Variants in PRP4K observed in about 807,000 individuals in gnomAD.
The protein encoded by PRP4K is pre-mRNA processing factor kinase PRP4K.
At chr6:4,048,377 T>C in the PRP4K span, among the ~76,000 whole-genome samples, 16 of 52,456 alleles carry the variant, frequency 3.1e-4, no homozygotes, top group Admixed American at 2.6e-3. Flanking sequence ...AGACTCCGTC[T>C]CAAAAAAAAA....
chr6:4,051,311 T>TTTTG, the PRP4K span, among the ~76,000 whole-genome samples: 85 of 151,938 alleles, frequency 5.6e-4, no homozygotes, highest in Admixed American at 3.3e-3. Flanking sequence ...TTTTGTTTGT[T>TTTTG]TTTGTTTGTT....
the PRP4K span, chr6:4,043,783 AAAGT>A: frequency 6.3e-7 from 1 of 1,597,674 alleles, no homozygotes; most frequent in Non-Finnish European, 8.6e-7. Context: ...CAATTTTATG[AAAGT>A]ATTATCTTCT....
chr6:4,049,987 G>A, the PRP4K span: 6 of 1,219,956 alleles, frequency 4.9e-6, no homozygotes, highest in South Asian at 1.8e-5. Context: ...TGTAAAACAA[G>A]TATTGCAATT....
the PRP4K span, among the ~76,000 whole-genome samples, chr6:4,053,899 GT>G: frequency 5.0e-5 from 5 of 100,620 alleles, no homozygotes; most frequent in African/African-American, 1.8e-4. Flanking sequence ...TTTTTCTTTT[GT>G]TTTTTTTGTT....
At chr6:4,061,441 G>A in the PRP4K span, 1 of 152,480 alleles carries the variant, frequency 6.6e-6, no homozygotes. Flanking sequence ...GTTAAATATA[G>A]TTCCTAGTGA....
At chr6:4,054,350 G>A in the PRP4K span, among the ~76,000 whole-genome samples, 1 of 151,814 alleles carries the variant, frequency 6.6e-6, no homozygotes, top group East Asian at 1.9e-4. Flanking sequence ...AACCACATTA[G>A]TAATGAGGTG....
chr6:4,046,030 TTCAG>T, the PRP4K span, among the ~76,000 whole-genome samples: 2 of 152,236 alleles, frequency 1.3e-5, no homozygotes, highest in Non-Finnish European at 2.9e-5. Flanking sequence ...CCATAGTTTA[TTCAG>T]TCAGACTTTG....
At chr6:4,041,088 TCA>T in the PRP4K span, among the ~76,000 whole-genome samples, 3 of 152,240 alleles carry the variant, frequency 2.0e-5, no homozygotes, top group Non-Finnish European at 4.4e-5. Context: ...GTAGGTTGTA[TCA>T]CAGAGTTAGT....
At chr6:4,044,682 T>C in the PRP4K span, among the ~76,000 whole-genome samples, 1 of 152,156 alleles carries the variant, frequency 6.6e-6, no homozygotes, top group South Asian at 2.1e-4. Context: ...CCCTTTAGTA[T>C]TCAATATAGC....
the PRP4K span, among the ~76,000 whole-genome samples, chr6:4,031,046 G>A: frequency 6.6e-6 from 1 of 152,192 alleles, no homozygotes; most frequent in Non-Finnish European, 1.5e-5. Flanking sequence ...CTCAAAACAA[G>A]TGACCTGCTG....
At chr6:4,060,808 T>C in the PRP4K span, 1 of 621,224 alleles carries the variant, frequency 1.6e-6, no homozygotes, top group Non-Finnish European at 2.8e-6. The surrounding 1 kb of genome is among the most constrained non-coding windows in gnomAD (Gnocchi z 4.7). Context: ...TTACGTGAAA[T>C]TTCACTGTAG....
At chr6:4,021,326 G>T in the PRP4K span, 1 of 1,494,660 alleles carries the variant, frequency 6.7e-7, no homozygotes, top group Non-Finnish European at 9.1e-7. Flanking sequence ...CTACACGGTC[G>T]GCACATGCGC....
At chr6:4,060,635 A>G in the PRP4K span, 4 of 1,602,560 alleles carry the variant, frequency 2.5e-6, no homozygotes, top group Non-Finnish European at 3.4e-6. This position sits in a 1 kb window ranked among gnomAD's most constrained non-coding sequence, Gnocchi z 4.7. Context: ...AAGAAACTCC[A>G]AGGGTTTGAG....
the PRP4K span, chr6:4,056,749 A>C: frequency 6.7e-7 from 1 of 1,487,976 alleles, no homozygotes; most frequent in Admixed American, 1.8e-5. Flanking sequence ...GCCTTGGTTG[A>C]GGCTGATTAG....
the PRP4K span, among the ~76,000 whole-genome samples, chr6:4,034,938 T>C: frequency 6.6e-6 from 1 of 151,646 alleles, no homozygotes; most frequent in South Asian, 2.1e-4. Flanking sequence ...GTCTTGAACT[T>C]CTGACCTCGT....
chr6:4,026,144 G>A, the PRP4K span, among the ~76,000 whole-genome samples: 382 of 152,138 alleles, frequency 2.5e-3, 9 homozygotes, highest in East Asian at 0.044. Context: ...TGGGATTACA[G>A]GCATGTGCCA....
chr6:4,047,333 A>C, the PRP4K span: 1 of 1,102,698 alleles, frequency 9.1e-7, no homozygotes, highest in Non-Finnish European at 1.3e-6. Context: ...AGAAGAATAA[A>C]GCAAATGTAA....
At chr6:4,059,697 G>A in the PRP4K span, among the ~76,000 whole-genome samples, 1 of 151,968 alleles carries the variant, frequency 6.6e-6, no homozygotes, top group African/African-American at 2.4e-5. Flanking sequence ...CCAGGGTGAA[G>A]TGCAATGGCA....
chr6:4,064,370 CTGTATTTTATCATT>C, the PRP4K span: 1 of 152,254 alleles, frequency 6.6e-6, no homozygotes, highest in Non-Finnish European at 1.5e-5. Flanking sequence ...TATGCTTTAC[CTGTATTTTATCATT>C]TGTAAGCAGA....
Sources: gnomAD v4.1 joint callset for allele counts (sites outside exome capture counted in the v4.1 genomes callset) on GRCh38, gnomAD v4.1.1 for gene constraint, Gnocchi (gnomAD v3.1) non-coding constraint, MANE v1.5 for transcripts, NCBI Gene and HGNC (gene_info 2026-07-23, HGNC 2026-07-21) for gene names.